AQR: variants seen among roughly 807,000 people sequenced by gnomAD.
The protein encoded by AQR is RNA helicase aquarius.
In AQR, 61 loss-of-function variants were observed where a neutral mutation model predicts 180.5. The observed-to-expected ratio is 0.34, with a 90% CI of 0.28 to 0.42. The LOEUF (loss-of-function observed/expected upper bound fraction) is 0.42, where lower values mean the gene tolerates loss of function less well. AQR is among the 10% of genes least tolerant of loss of function. The pLI is 1.00. For synonymous variants in AQR, 551 were observed against 588.8 expected (o/e 0.94, Z 0.93); for missense variants, 1,281 against 1,798.3 (o/e 0.71, Z 5.20).
At chr15:34,915,811 T>C (rs1485337676) in intron 15 of AQR, among the ~76,000 whole-genome samples, 2 of 151,888 alleles carry the variant, frequency 1.3e-5, no homozygotes, top group Non-Finnish European at 2.9e-5. Context: ...CTGGGTGTCA[T>C]GGCGGGCGCC....
At chr15:34,905,293 G>T (rs1893394888) in intron 18 of AQR, among the ~76,000 whole-genome samples, 1 of 151,912 alleles carries the variant, frequency 6.6e-6, no homozygotes, top group Non-Finnish European at 1.5e-5. Flanking sequence ...AGTTTCAAAA[G>T]AAGTACAACA....
intron 23 of AQR, among the ~76,000 whole-genome samples, chr15:34,892,862 G>C (rs7177963): frequency 0.061 from 9,362 of 152,232 alleles, 323 homozygotes; most frequent in Middle Eastern, 0.092. Flanking sequence ...CAGAATGGTT[G>C]TATGGGTACT....
chr15:34,965,667 T>A (rs180800905), intron 1 of AQR, among the ~76,000 whole-genome samples: 2 of 152,150 alleles, frequency 1.3e-5, no homozygotes, highest in East Asian at 1.9e-4. Context: ...CAAGACTCCG[T>A]CTCTAAAATA....
chr15:34,934,753 G>A (rs1893921442), intron 9 of AQR, 118 bp from the exon 10 acceptor site: 6 of 556,658 alleles, frequency 1.1e-5, no homozygotes, highest in African/African-American at 2.0e-5. Context: ...TTATTCATCA[G>A]AATTGGACTA....
chr15:34,897,844 A>G, intron 20 of AQR, 139 bp from the exon 21 acceptor site: 1 of 938,874 alleles, frequency 1.1e-6, no homozygotes, highest in Non-Finnish European at 1.6e-6. Flanking sequence ...CTGTATGTAA[A>G]CTCTGAAAAT....
rs992595041 is a variant in AQR, at chr15:34,852,104, T to A, written c.*4688A>T. The A allele has an allele frequency of 1.2e-4, 19 of 152,198 alleles. No homozygotes were observed. The highest frequency in any genetic ancestry group is 7.8e-4 in the Admixed American group (12 of 15,294). 9.4% of individuals were successfully genotyped at this position (152,198 alleles called of 1,614,324 possible). On this transcript the variant is annotated 3_prime_UTR_variant, in exon 35 of 35. Transcript: ENST00000156471. ...AAAAATGTATTTTGGGGCTTTATCT[T>A]TAAAGGGCGATTCACAGTTCTAGCC...
In AQR at chr15:34,906,657, A is replaced by G. The variant is rs1893423902; in HGVS notation, c.1719T>C (p.Tyr573=). Residue 573 remains tyrosine, a synonymous_variant, in exon 18 of 35, where the codon TAT becomes TAC. Coordinates refer to ENST00000156471, the MANE Select transcript of AQR (RefSeq NM_014691.3). ...GTCTCCTCCGGTCAAACTTAGTGCC[A>G]TAAGGTTTTGTGGGACGTACGGTAA... ...FLITVRPTKP[Y]GTKFDRRRPF... The G allele has an allele frequency of 6.2e-7, 1 of 1,614,104 alleles. No individual in the cohort carries two copies. The highest frequency in any genetic ancestry group is 8.5e-7 in the Non-Finnish European group (1 of 1,179,994).
At chr15:34,946,277 C>T (rs982408082) in intron 5 of AQR, among the ~76,000 whole-genome samples, 29 of 152,264 alleles carry the variant, frequency 1.9e-4, no homozygotes, top group Non-Finnish European at 2.9e-5. Context: ...AGTCTCAAAA[C>T]AAAAAACCAA....
At chr15:34,871,014 C>A in intron 30 of AQR, 92 bp from the exon 31 acceptor site, 3 of 1,207,882 alleles carry the variant, frequency 2.5e-6, no homozygotes, top group South Asian at 1.6e-5. Context: ...AAAACTTGTT[C>A]ACTTTGCACA....
intron 34 of AQR, among the ~76,000 whole-genome samples, chr15:34,857,569 G>C (rs1339012451): frequency 6.6e-6 from 1 of 152,128 alleles, no homozygotes; most frequent in Non-Finnish European, 1.5e-5. Flanking sequence ...GGCCAACATG[G>C]TGAAACCCCA....
chr15:34,952,620 A>G (rs997667950), intron 4 of AQR, among the ~76,000 whole-genome samples: 1 of 152,230 alleles, frequency 6.6e-6, no homozygotes, highest in Admixed American at 6.5e-5. Flanking sequence ...TGATCACTAC[A>G]GAAACCAAGT....
At chr15:34,968,955 G>A (rs1303285540) in intron 1 of AQR, among the ~76,000 whole-genome samples, 1 of 152,192 alleles carries the variant, frequency 6.6e-6, no homozygotes, top group Admixed American at 6.5e-5. Flanking sequence ...GAATGATGCT[G>A]ACAACCACAG....
At chr15:34,952,686 AAC>A (rs1462849216) in intron 4 of AQR, among the ~76,000 whole-genome samples, 197 bp downstream of exon 4, 1 of 152,262 alleles carries the variant, frequency 6.6e-6, no homozygotes, top group African/African-American at 2.4e-5. Context: ...AACAAATCAA[AAC>A]ACAAGCTATT....
chr15:34,923,893 T>C (rs1237997656), intron 13 of AQR, among the ~76,000 whole-genome samples: 1 of 152,262 alleles, frequency 6.6e-6, no homozygotes, highest in Non-Finnish European at 1.5e-5. Context: ...TTTGGGTTAT[T>C]ATAGTTCCTT....
At chr15:34,886,467 G>C (rs1893061276) in intron 25 of AQR, 59 bp downstream of exon 25, 15 of 1,526,344 alleles carry the variant, frequency 9.8e-6, no homozygotes, top group Non-Finnish European at 1.2e-5. Context: ...ACTCATTCCA[G>C]CTTCCAACTG....
chr15:34,906,180 G>A (rs75897044), intron 18 of AQR, among the ~76,000 whole-genome samples: 6,282 of 152,180 alleles, frequency 0.041, 463 homozygotes, highest in African/African-American at 0.14. Flanking sequence ...AGGAGTTTGA[G>A]ACCAGCCTGG....
At chr15:34,918,669 G>T (rs1325729129) in intron 14 of AQR, among the ~76,000 whole-genome samples, 1 of 152,132 alleles carries the variant, frequency 6.6e-6, no homozygotes, top group Non-Finnish European at 1.5e-5. Context: ...CACTAAAACA[G>T]ATAAAGTGCC....
In AQR at chr15:34,921,595, C is replaced by T. The variant is rs961236601; in HGVS notation, c.1119-1161G>A. 3.9e-5 allele frequency among the ~76,000 whole-genome samples: 6 copies of T among 151,930 alleles called. 1 individual carries two copies. The highest frequency in any genetic ancestry group is 9.7e-5 in the African/African-American group (4 of 41,348). ...GATAAAATTTGAACTTCCATGTGAACGTGAAAAATTAGAATTTTGGAAAAC... is the reference window on the plus strand; with the variant it reads ...GATAAAATTTGAACTTCCATGTGAATGTGAAAAATTAGAATTTTGGAAAAC... On this transcript the variant is annotated intron_variant, in intron 13 of 34. Transcript: ENST00000156471.
At chr15:34,953,744 A>G (rs1257217752) in intron 3 of AQR, among the ~76,000 whole-genome samples, 1 of 152,194 alleles carries the variant, frequency 6.6e-6, no homozygotes, top group Non-Finnish European at 1.5e-5. Flanking sequence ...TGTATGTTAG[A>G]CAACAGAATT....
Sources: gnomAD v4.1 joint callset for allele counts (sites outside exome capture counted in the v4.1 genomes callset) on GRCh38, gnomAD v4.1.1 for gene constraint, MANE v1.5 for transcripts, NCBI Gene and HGNC (gene_info 2026-07-23, HGNC 2026-07-21) for gene names.